Variants in CTNND2 observed in about 807,000 individuals in gnomAD.
CTNND2 encodes the protein catenin delta-2.
CTNND2 carries 22 observed loss-of-function variants against 144.4 expected under a neutral mutation model. That is an observed-to-expected ratio of 0.15 (90% CI 0.11 to 0.22). The LOEUF (loss-of-function observed/expected upper bound fraction) is 0.22. CTNND2 is among the 10% of genes least tolerant of loss of function. The probability of loss-of-function intolerance (pLI) is 1.00; values close to 1 mark genes in which losing one functional copy is unlikely to be tolerated. For synonymous variants in CTNND2, 751 were observed against 695.6 expected (o/e 1.08, Z -1.25); for missense variants, 1,353 against 1,618.8 (o/e 0.84, Z 2.82).
chr5:11,440,255 G>A (rs984720723), intron 3 of CTNND2, among the ~76,000 whole-genome samples: 1 of 151,962 alleles, frequency 6.6e-6, no homozygotes, highest in Non-Finnish European at 1.5e-5. Flanking sequence ...GTGTGAACTC[G>A]CTCATGGCAT....
At chr5:11,446,648 T>C (rs1764829860) in intron 3 of CTNND2, among the ~76,000 whole-genome samples, 1 of 152,020 alleles carries the variant, frequency 6.6e-6, no homozygotes, top group African/African-American at 2.4e-5. Context: ...GAAGGAGAAG[T>C]GTCTGTGCTG....
In CTNND2 at chr5:10,987,164, C is replaced by T. The variant is rs61751756; in HGVS notation, c.3343+947G>A. Among the ~76,000 whole-genome samples, 449 of 152,330 alleles carry T rather than the reference C, an allele frequency of 2.9e-3. 1 individual carries two copies. The highest frequency in any genetic ancestry group is 0.01 in the African/African-American group (432 of 41,574). On this transcript the variant is annotated intron_variant, in intron 20 of 21. Coordinates refer to ENST00000304623, the MANE Select transcript of CTNND2 (RefSeq NM_001332.4). ...GGTCCTCAGGGCTCCGGCAGCTTTG[C>T]TTTTAAGGTATAACTCCCTCTACAG...
At chr5:11,776,465 T>C (rs1297965806) in intron 1 of CTNND2, among the ~76,000 whole-genome samples, 1 of 152,196 alleles carries the variant, frequency 6.6e-6, no homozygotes, top group African/African-American at 2.4e-5. Flanking sequence ...GGGTAAGTAA[T>C]AGATGCAGTC....
chr5:11,304,298 A>G (rs1479809165), intron 9 of CTNND2, among the ~76,000 whole-genome samples: 1 of 151,038 alleles, frequency 6.6e-6, no homozygotes, highest in East Asian at 1.9e-4. Flanking sequence ...GTATACATAA[A>G]TGCATTACAC....
At chr5:11,023,990 T>A (rs867714344) in intron 16 of CTNND2, among the ~76,000 whole-genome samples, 13 of 152,226 alleles carry the variant, frequency 8.5e-5, no homozygotes, top group African/African-American at 2.4e-4. Flanking sequence ...TAAAGTTAGA[T>A]CCCTTTCTTG....
chr5:11,500,211 C>T (rs984142347), intron 3 of CTNND2, among the ~76,000 whole-genome samples: 1 of 152,042 alleles, frequency 6.6e-6, no homozygotes, highest in Admixed American at 6.5e-5. Context: ...GTAGGTAGGC[C>T]GTAATAAAGC....
chr5:11,339,548 C>T (rs1452299261), intron 9 of CTNND2, among the ~76,000 whole-genome samples: 1 of 152,134 alleles, frequency 6.6e-6, no homozygotes, highest in Non-Finnish European at 1.5e-5. Flanking sequence ...TGGTTTATGC[C>T]ACCCACTTTG....
intron 2 of CTNND2, among the ~76,000 whole-genome samples, chr5:11,616,029 C>T (rs1450837188): frequency 6.6e-6 from 1 of 152,134 alleles, no homozygotes; most frequent in East Asian, 1.9e-4. Context: ...TAGACAAATG[C>T]TTCTATTTCT....
chr5:11,714,063 GTA>G (rs1211329212), intron 2 of CTNND2, among the ~76,000 whole-genome samples: 1 of 152,196 alleles, frequency 6.6e-6, no homozygotes, highest in African/African-American at 2.4e-5. Flanking sequence ...TACACGGGGA[GTA>G]TATGTTTGCT....
intron 3 of CTNND2, among the ~76,000 whole-genome samples, chr5:11,423,551 C>A (rs1211112238): frequency 6.6e-6 from 1 of 152,174 alleles, no homozygotes; most frequent in African/African-American, 2.4e-5. Flanking sequence ...ATTTTGGAGA[C>A]CTCTCTGAGA....
At chr5:11,429,942 C>T (rs1252518307) in intron 3 of CTNND2, among the ~76,000 whole-genome samples, 1 of 152,012 alleles carries the variant, frequency 6.6e-6, no homozygotes, top group Non-Finnish European at 1.5e-5. Context: ...TGGAGTTAAT[C>T]TTCATTTTCA....
intron 1 of CTNND2, among the ~76,000 whole-genome samples, chr5:11,849,422 C>T (rs1187897445): frequency 1.3e-5 from 2 of 152,100 alleles, no homozygotes; most frequent in Non-Finnish European, 2.9e-5. Context: ...AACGTGGGGA[C>T]GGAGCAAACC....
At chr5:11,250,868 A>G (rs1288265640) in intron 9 of CTNND2, among the ~76,000 whole-genome samples, 3 of 152,108 alleles carry the variant, frequency 2.0e-5, no homozygotes, top group Admixed American at 2.0e-4. Context: ...GGGCAGATGG[A>G]AGACGTTTGA....
chr5:11,891,733 A>G (rs1582077258), intron 1 of CTNND2, among the ~76,000 whole-genome samples: 2 of 152,322 alleles, frequency 1.3e-5, no homozygotes, highest in African/African-American at 4.8e-5. Context: ...TCCAGCCTCT[A>G]AAACTGTGAG....
At chr5:11,358,922 C>T (rs1756173952) in intron 8 of CTNND2, among the ~76,000 whole-genome samples, 1 of 152,184 alleles carries the variant, frequency 6.6e-6, no homozygotes, top group Admixed American at 6.5e-5. Flanking sequence ...TTGTTTTCAA[C>T]ACTCAGTTTG....
chr5:11,053,718 T>A (rs1478269228), intron 16 of CTNND2, among the ~76,000 whole-genome samples: 1 of 151,142 alleles, frequency 6.6e-6, no homozygotes, highest in Non-Finnish European at 1.5e-5. Context: ...GGCAGTTTTT[T>A]CCTCTTAAAG....
At chr5:11,703,299 C>T (rs1053651573) in intron 2 of CTNND2, among the ~76,000 whole-genome samples, 7 of 152,182 alleles carry the variant, frequency 4.6e-5, no homozygotes, top group Non-Finnish European at 8.8e-5. Flanking sequence ...TTTATATATG[C>T]TATCAGGAGA....
chr5:11,732,913 G>A (rs768343863), intron 1 of CTNND2, among the ~76,000 whole-genome samples: 1 of 151,804 alleles, frequency 6.6e-6, no homozygotes, highest in African/African-American at 2.4e-5. Context: ...TACGTCCTGG[G>A]GAAAAAAATG....
intron 4 of CTNND2, 128 bp from the exon 5 acceptor site, chr5:11,411,780 T>C (rs1561354084): frequency 1.4e-6 from 1 of 728,944 alleles, no homozygotes; most frequent in Admixed American, 3.0e-5. Context: ...TCATTAGCTA[T>C]TCCATTTTAA....
Sources: gnomAD v4.1 joint callset for allele counts (sites outside exome capture counted in the v4.1 genomes callset) on GRCh38, gnomAD v4.1.1 for gene constraint, MANE v1.5 for transcripts, NCBI Gene and HGNC (gene_info 2026-07-23, HGNC 2026-07-21) for gene names.